Variants in RELCH observed in about 807,000 individuals in gnomAD.
RELCH encodes the protein RAB11-binding protein RELCH.
Under a neutral mutation model 150.3 loss-of-function variants are expected in RELCH, and 41 were observed. The ratio of observed to expected loss-of-function variants is 0.27; its 90% CI spans 0.21 to 0.35. RELCH has a LOEUF of 0.35. RELCH is among the 10% of genes least tolerant of loss of function. RELCH has a pLI of 1.00. For synonymous variants in RELCH, 478 were observed against 531.8 expected, an observed-to-expected ratio of 0.90 and a Z score of 1.39; for missense variants, 1,092 against 1,467.8, an observed-to-expected ratio of 0.74 and a Z score of 4.18.
chr18:62,279,059 C>T (rs529710711), intron 22 of RELCH, among the ~76,000 whole-genome samples: 6 of 152,070 alleles, frequency 3.9e-5, no homozygotes, highest in Non-Finnish European at 8.8e-5. Context: ...AGCACAACAG[C>T]CCTTTGAGGT....
intron 1 of RELCH, among the ~76,000 whole-genome samples, chr18:62,196,246 T>C (rs2039036673): frequency 7.6e-6 from 1 of 131,464 alleles, no homozygotes; most frequent in Admixed American, 7.3e-5. Flanking sequence ...TTTTCTTTTT[T>C]TGAGACATAG....
intron 1 of RELCH, among the ~76,000 whole-genome samples, chr18:62,197,796 G>A (rs944132817): frequency 1.3e-4 from 20 of 152,210 alleles, no homozygotes; most frequent in Non-Finnish European, 8.8e-5. Context: ...TCATGTTGGT[G>A]TGAACAAATA....
At chr18:62,302,960 A>G (rs2045731392) in intron 28 of RELCH, among the ~76,000 whole-genome samples, 1 of 152,226 alleles carries the variant, frequency 6.6e-6, no homozygotes, top group African/African-American at 2.4e-5. Flanking sequence ...ACACATTACA[A>G]GGTAGCCCAT....
intron 1 of RELCH, among the ~76,000 whole-genome samples, chr18:62,194,266 T>C (rs1304647983): frequency 4.6e-5 from 7 of 152,030 alleles, no homozygotes; most frequent in South Asian, 4.2e-4. Context: ...CAAAAAACAG[T>C]GTGTCTTGTG....
chr18:62,250,492 A>G (rs961712260), intron 11 of RELCH, among the ~76,000 whole-genome samples: 2 of 152,238 alleles, frequency 1.3e-5, no homozygotes, highest in African/African-American at 4.8e-5. Context: ...AGTGCTTGCT[A>G]ATATCTTTTT....
intron 5 of RELCH, 127 bp from the exon 6 acceptor site, chr18:62,227,162 A>T: frequency 1.5e-6 from 1 of 645,648 alleles, no homozygotes; most frequent in East Asian, 2.8e-5. Context: ...GTGCCACTGT[A>T]CTCCAGCCTG....
intron 16 of RELCH, among the ~76,000 whole-genome samples, chr18:62,263,542 T>G (rs1216160808): frequency 6.6e-6 from 1 of 152,076 alleles, no homozygotes; most frequent in Non-Finnish European, 1.5e-5. Flanking sequence ...CATATGTCTA[T>G]ATGTCCGTTT....
intron 10 of RELCH, among the ~76,000 whole-genome samples, chr18:62,239,063 G>A (rs2042012528): frequency 6.6e-6 from 1 of 152,082 alleles, no homozygotes; most frequent in African/African-American, 2.4e-5. Context: ...GATGTATACA[G>A]TAGTATAGTG....
intron 8 of RELCH, among the ~76,000 whole-genome samples, chr18:62,229,977 T>C (rs1173596296): frequency 6.6e-6 from 1 of 152,070 alleles, no homozygotes; most frequent in Non-Finnish European, 1.5e-5. Context: ...GAAAGGGTCC[T>C]CTGAGCTAGA....
intron 2 of RELCH, among the ~76,000 whole-genome samples, chr18:62,216,167 AT>A (rs1339428846): frequency 1.3e-4 from 20 of 152,146 alleles, no homozygotes; most frequent in South Asian, 8.3e-4. Context: ...GATAGCCATT[AT>A]TTAACTTATT....
intron 8 of RELCH, among the ~76,000 whole-genome samples, 161 bp from the exon 9 acceptor site, chr18:62,231,033 C>T (rs1336621277): frequency 6.6e-6 from 1 of 152,030 alleles, no homozygotes; most frequent in East Asian, 1.9e-4. Flanking sequence ...TAAGTTTCTC[C>T]AGTGAAGTGT....
rs981485995 is a variant in RELCH, at chr18:62,215,298, C to G, written c.616+4056C>G. ...AGAAGAATAAAGAGACATCTAAGAA[C>G]AAACATCTGTATTATTTTCCTATAG... On this transcript the variant is annotated intron_variant, in intron 2 of 28. Coordinates refer to ENST00000644646, the MANE Select transcript of RELCH (RefSeq NM_001346231.2). Among the ~76,000 whole-genome samples, 18 of 152,224 alleles carry G rather than the reference C, an allele frequency of 1.2e-4. No homozygotes were observed. In the South Asian group the frequency reaches 1.7e-3, roughly 14 times the overall value.
intron 24 of RELCH, 45 bp downstream of exon 24, chr18:62,280,754 G>A (rs761702428): frequency 7.6e-7 from 1 of 1,309,006 alleles, no homozygotes; most frequent in Non-Finnish European, 1.1e-6. Context: ...ATATTGATGT[G>A]GTCATGATAC....
chr18:62,202,795 A>C (rs2148251699), intron 1 of RELCH, among the ~76,000 whole-genome samples: 1 of 152,358 alleles, frequency 6.6e-6, no homozygotes, highest in East Asian at 1.9e-4. Context: ...TTAGTAAACT[A>C]ATAACAGATG....
At chr18:62,265,638 A>G (rs1249875935) in intron 18 of RELCH, among the ~76,000 whole-genome samples, 1 of 152,068 alleles carries the variant, frequency 6.6e-6, no homozygotes, top group Admixed American at 6.6e-5. Context: ...AGTAAATAGT[A>G]TGCTATAAGG....
At chr18:62,246,215 C>G (rs1237548317) in intron 11 of RELCH, 1 of 152,142 alleles carries the variant, frequency 6.6e-6, no homozygotes, top group Non-Finnish European at 1.5e-5. Flanking sequence ...ACAAAACTTT[C>G]TATCTTTTTA....
chr18:62,276,421 A>G (rs1486031046), intron 22 of RELCH, among the ~76,000 whole-genome samples: 3 of 152,088 alleles, frequency 2.0e-5, no homozygotes, highest in Non-Finnish European at 2.9e-5. Flanking sequence ...GGAACATAAT[A>G]AGTGCTTATA....
Position 62,252,804 on chromosome 18 carries a change from A to T in RELCH, c.1824+50A>T, listed in dbSNP as rs756743161. ...CCTAGCTATTATAGCCTGATTTCTT[A>T]AGAAGATACATAGTTTCCTTTTTAA... On this transcript the variant is annotated intron_variant, in intron 12 of 28. Coordinates refer to ENST00000644646, the MANE Select transcript of RELCH (RefSeq NM_001346231.2). The T allele has an allele frequency of 2.3e-6, 3 of 1,323,072 alleles. No individual in the cohort carries two copies. In the African/African-American group the frequency reaches 4.3e-5, roughly 19 times the overall value. 82.0% of individuals were successfully genotyped at this position (1,323,072 alleles called of 1,614,324 possible).
At chr18:62,252,152 C>A (rs890064017) in intron 11 of RELCH, among the ~76,000 whole-genome samples, 3 of 150,152 alleles carry the variant, frequency 2.0e-5, no homozygotes, top group Non-Finnish European at 3.0e-5. Flanking sequence ...GGTGCCACCA[C>A]GCCCGGCTAA....
Sources: gnomAD v4.1 joint callset for allele counts (sites outside exome capture counted in the v4.1 genomes callset) on GRCh38, gnomAD v4.1.1 for gene constraint, MANE v1.5 for transcripts, NCBI Gene and HGNC (gene_info 2026-07-23, HGNC 2026-07-21) for gene names.